The following IKZF2 variants were observed in gnomAD, a reference collection of about 807,000 sequenced individuals.
IKZF2 encodes IKAROS family zinc finger 2, also known as zinc finger protein Helios.
A neutral mutation model predicts 49.2 loss-of-function variants in IKZF2; 15 were observed. The observed-to-expected ratio is 0.30, with a 90% CI of 0.20 to 0.47. The LOEUF (loss-of-function observed/expected upper bound fraction) is 0.47, where lower values mean the gene tolerates loss of function less well. IKZF2 is among the 20% of genes least tolerant of loss of function. The pLI is 1.00. For missense variants in IKZF2, 567 were observed against 664.6 expected, an observed-to-expected ratio of 0.85 and a Z score of 1.61; for synonymous variants, 227 against 221.4, an observed-to-expected ratio of 1.03 and a Z score of -0.23.
chr2:213,142,800 T>C (rs2060918930), intron 4 of IKZF2, among the ~76,000 whole-genome samples: 1 of 151,988 alleles, frequency 6.6e-6, no homozygotes, highest in African/African-American at 2.4e-5. Context: ...ACAGAATTGA[T>C]GTGGAGACAA....
At chr2:213,016,567 C>A (rs963218463) in intron 7 of IKZF2, among the ~76,000 whole-genome samples, 1 of 152,082 alleles carries the variant, frequency 6.6e-6, no homozygotes, top group Admixed American at 6.6e-5. Flanking sequence ...AAAACAAATT[C>A]TCTAGATATC....
chr2:213,136,082 A>G (rs941097449), intron 4 of IKZF2, among the ~76,000 whole-genome samples: 2 of 150,804 alleles, frequency 1.3e-5, no homozygotes, highest in African/African-American at 2.4e-5. Context: ...AAAAAAGAAA[A>G]GAAAGAGCCG....
chr2:213,146,765 G>GT (rs1260544628), intron 4 of IKZF2, among the ~76,000 whole-genome samples: 1 of 128,032 alleles, frequency 7.8e-6, no homozygotes, highest in South Asian at 2.7e-4. Flanking sequence ...TCTTCGGGGG[G>GT]GGGGAAGGAA....
intron 4 of IKZF2, among the ~76,000 whole-genome samples, chr2:213,107,204 C>CA (rs1203473412): frequency 2.0e-5 from 3 of 151,822 alleles, no homozygotes; most frequent in African/African-American, 4.8e-5. Context: ...TAACACAAGA[C>CA]AAAAAAAATA....
chr2:213,121,979 T>C (rs1024523902), intron 4 of IKZF2, among the ~76,000 whole-genome samples: 1 of 152,018 alleles, frequency 6.6e-6, no homozygotes, highest in African/African-American at 2.4e-5. Context: ...GAGAGTGTAA[T>C]AAAATACAGT....
intron 6 of IKZF2, among the ~76,000 whole-genome samples, chr2:213,029,050 T>A (rs1220429095): frequency 6.6e-6 from 1 of 152,078 alleles, no homozygotes; most frequent in Non-Finnish European, 1.5e-5. Context: ...ATCCTTTTTA[T>A]ATATTCCAGA....
At chr2:213,055,053 T>C (rs963787908) in intron 5 of IKZF2, among the ~76,000 whole-genome samples, 6 of 152,102 alleles carry the variant, frequency 3.9e-5, no homozygotes, top group Non-Finnish European at 7.4e-5. Flanking sequence ...ACATAAAAGA[T>C]CAATTAAAAA....
intron 4 of IKZF2, among the ~76,000 whole-genome samples, chr2:213,085,671 C>T (rs1177613643): frequency 6.6e-6 from 1 of 152,250 alleles, no homozygotes. Context: ...GAGAAAAACA[C>T]CTGAAACCCA....
chr2:213,013,456 T>C (rs564050299), intron 8 of IKZF2, among the ~76,000 whole-genome samples: 4 of 151,918 alleles, frequency 2.6e-5, no homozygotes, highest in South Asian at 2.1e-4. Context: ...TTAAAACAGA[T>C]TACAAAACTG....
rs1445923512 is a variant in IKZF2, at chr2:213,007,774, T to C, written c.1167A>G (p.Pro389=). The C allele has an allele frequency of 1.2e-6, 2 of 1,613,688 alleles. No homozygotes were observed. The highest frequency in any genetic ancestry group is 1.7e-5 in the Admixed American group (1 of 59,938). The change falls in exon 9 of 9, where the codon CCA becomes CCG. Residue 389 remains proline, a synonymous_variant. Coordinates refer to ENST00000434687, the MANE Select transcript of IKZF2 (RefSeq NM_001387220.1). ...CCTCTCTTTCCTGGGGTCGACTCTTTGGTCTGATGAGAGAGATGGGGCCAT... is the reference window on the plus strand; with the variant it reads ...CCTCTCTTTCCTGGGGTCGACTCTTCGGTCTGATGAGAGAGATGGGGCCAT... ...NMDGPISLIR[P]KSRPQEREAS...
At chr2:213,108,341 A>T (rs1277808326) in intron 4 of IKZF2, among the ~76,000 whole-genome samples, 1 of 152,196 alleles carries the variant, frequency 6.6e-6, no homozygotes, top group Non-Finnish European at 1.5e-5. Context: ...TGCTTACATT[A>T]GCTTTATGTA....
chr2:213,092,052 G>A (rs548769315), intron 4 of IKZF2, among the ~76,000 whole-genome samples: 3 of 151,496 alleles, frequency 2.0e-5, no homozygotes, highest in African/African-American at 7.3e-5. Flanking sequence ...TTGAGACAGG[G>A]TCTCACTCTG....
At chr2:213,133,623 C>T (rs1362595544) in intron 4 of IKZF2, among the ~76,000 whole-genome samples, 1 of 151,434 alleles carries the variant, frequency 6.6e-6, no homozygotes, top group Admixed American at 6.6e-5. Flanking sequence ...CTCAGCTTCT[C>T]GGGAGGCGAA....
chr2:213,001,378 C>G lies in IKZF2; in HGVS notation c.*5982G>C, dbSNP rs1218328188. 1 of 151,886 alleles carries G rather than the reference C, an allele frequency of 6.6e-6. No individual in the cohort carries two copies. The highest frequency in any genetic ancestry group is 6.6e-5 in the Admixed American group (1 of 15,164). 9.4% of individuals were successfully genotyped at this position (151,886 alleles called of 1,614,324 possible). ...TAACTGTCTAGTCTTTCATGATATA[C>G]ATTTTTTGGAGGAAAGCCAAATCAG... On this transcript the variant is annotated 3_prime_UTR_variant, in exon 9 of 9. Transcript: ENST00000434687.
At chr2:213,054,465 G>T (rs934845462) in intron 5 of IKZF2, among the ~76,000 whole-genome samples, 2 of 152,092 alleles carry the variant, frequency 1.3e-5, no homozygotes, top group East Asian at 3.9e-4. Flanking sequence ...TTAAATTAAA[G>T]AAATGCAAAT....
chr2:213,066,253 G>A (rs1702149615), intron 4 of IKZF2, among the ~76,000 whole-genome samples: 1 of 152,064 alleles, frequency 6.6e-6, no homozygotes, highest in South Asian at 2.1e-4. Flanking sequence ...AAGGTCAGAA[G>A]GCAAGGCTGC....
At chr2:213,113,380 A>T (rs963635168) in intron 4 of IKZF2, among the ~76,000 whole-genome samples, 4 of 152,186 alleles carry the variant, frequency 2.6e-5, no homozygotes, top group Non-Finnish European at 5.9e-5. Context: ...CCTGGAGGAA[A>T]GAATGATCTT....
intron 4 of IKZF2, among the ~76,000 whole-genome samples, chr2:213,122,866 T>C (rs1346093761): frequency 6.6e-6 from 1 of 152,316 alleles, no homozygotes; most frequent in South Asian, 2.1e-4. Flanking sequence ...TAGGGTCAGC[T>C]CCTCCTCAAA....
At chr2:213,010,502 A>G (rs1049317416) in intron 8 of IKZF2, among the ~76,000 whole-genome samples, 2 of 152,028 alleles carry the variant, frequency 1.3e-5, no homozygotes, top group African/African-American at 4.8e-5. Context: ...TCCTTGCCCA[A>G]ATGGTTCTGA....
Sources: allele counts gnomAD v4.1 joint callset (sites outside exome capture counted in the v4.1 genomes callset), GRCh38; gene constraint gnomAD v4.1.1; transcripts MANE v1.5; gene names NCBI Gene and HGNC (gene_info 2026-07-23, HGNC 2026-07-21).